ENTPD1: variants seen among roughly 807,000 people sequenced by gnomAD.
The protein encoded by ENTPD1 is ectonucleoside triphosphate diphosphohydrolase 1.
Under a neutral mutation model 57.0 loss-of-function variants are expected in ENTPD1, and 33 were observed. The observed-to-expected ratio is 0.58, with a 90% CI of 0.44 to 0.77. ENTPD1 has a LOEUF of 0.77. ENTPD1 is among the 30% of genes least tolerant of loss of function. The pLI, the probability that ENTPD1 is intolerant of heterozygous loss-of-function variation, is 0.00. For missense variants in ENTPD1, 501 were observed against 603.4 expected (o/e 0.83, Z 1.78); for synonymous variants, 202 against 218.8 (o/e 0.92, Z 0.68).
chr10:95,805,795 C>A (rs1011626552), intron 1 of ENTPD1, among the ~76,000 whole-genome samples: 2 of 152,178 alleles, frequency 1.3e-5, no homozygotes, highest in African/African-American at 4.8e-5. Context: ...AAATTCTTTT[C>A]TTTAAGAATG....
At chr10:95,784,278 T>G (rs2098169625) in intron 1 of ENTPD1, among the ~76,000 whole-genome samples, 1 of 152,158 alleles carries the variant, frequency 6.6e-6, no homozygotes, top group Admixed American at 6.5e-5. Context: ...TCTAATGATG[T>G]AGCACCAGCT....
chr10:95,867,877 G>T lies in ENTPD1; in HGVS notation c.*1494G>T, dbSNP rs2098476133. On this transcript the variant is annotated 3_prime_UTR_variant, in exon 10 of 10. Coordinates refer to ENST00000371205, the MANE Select transcript of ENTPD1 (RefSeq NM_001776.6). Reference sequence around the variant, plus strand: ...TCAAGTCACTTTTGACAACATCCAGGTGAATATAAAAACTTAATAAAGCTG... The same window carrying T: ...TCAAGTCACTTTTGACAACATCCAGTTGAATATAAAAACTTAATAAAGCTG... 1 of 985,416 alleles carries T rather than the reference G, an allele frequency of 1.0e-6. No homozygotes were observed. The highest frequency in any genetic ancestry group is 1.2e-6 in the Non-Finnish European group (1 of 829,922). 61.0% of individuals were successfully genotyped at this position (985,416 alleles called of 1,614,324 possible).
intron 4 of ENTPD1, 100 bp from the exon 5 acceptor site, chr10:95,844,376 T>C: frequency 6.6e-7 from 1 of 1,525,932 alleles, no homozygotes; most frequent in African/African-American, 1.4e-5. Flanking sequence ...GGCATTATGG[T>C]TCACTTCTTA....
chr10:95,833,637 T>C (rs566029680), intron 2 of ENTPD1: 1 of 152,358 alleles, frequency 6.6e-6, no homozygotes, highest in Admixed American at 6.5e-5. Flanking sequence ...CTTAGTCTGT[T>C]TTGTGTGGCT....
intron 1 of ENTPD1, among the ~76,000 whole-genome samples, chr10:95,811,870 G>T (rs1036407671): frequency 2.6e-5 from 4 of 152,162 alleles, no homozygotes; most frequent in Non-Finnish European, 5.9e-5. Context: ...AAACAATGCT[G>T]CACTGAATGT....
chr10:95,839,981 T>A (rs1013032840), intron 3 of ENTPD1, among the ~76,000 whole-genome samples, 173 bp downstream of exon 3: 1 of 152,158 alleles, frequency 6.6e-6, no homozygotes, highest in Non-Finnish European at 1.5e-5. Context: ...TTGAAATCAG[T>A]CGTTAATGAT....
intron 1 of ENTPD1, among the ~76,000 whole-genome samples, chr10:95,731,387 T>TGAAGATG (rs2097988844): frequency 6.6e-6 from 1 of 152,172 alleles, no homozygotes; most frequent in Non-Finnish European, 1.5e-5. Flanking sequence ...ACTCTTTAAC[T>TGAAGATG]GAAGATGTAG....
At chr10:95,806,158 AG>A (rs1349926406) in intron 1 of ENTPD1, among the ~76,000 whole-genome samples, 1 of 152,212 alleles carries the variant, frequency 6.6e-6, no homozygotes, top group Non-Finnish European at 1.5e-5. Flanking sequence ...CTTTTCACAT[AG>A]TCCCACATTT....
intron 1 of ENTPD1, among the ~76,000 whole-genome samples, chr10:95,720,843 G>A (rs187177612): frequency 6.2e-4 from 95 of 152,256 alleles, no homozygotes; most frequent in African/African-American, 2.1e-3. Context: ...TTAGGCATTC[G>A]ATTTGCTCAG....
Position 95,870,263 on chromosome 10 carries a change from A to G in ENTPD1, c.*3880A>G, listed in dbSNP as rs2098478973. ...CTTGATGCTTACATTCCATACTCAA[A>G]ATGTAAATTTGAATATTAAAATAAA... On this transcript the variant is annotated 3_prime_UTR_variant, in exon 10 of 10. Coordinates refer to ENST00000371205, the MANE Select transcript of ENTPD1 (RefSeq NM_001776.6). 1.0e-6 allele frequency: 1 copy of G among 985,238 alleles called. No homozygotes were observed. Among genetic ancestry groups the G allele is most frequent in the African/African-American group, 1.7e-5 (1 of 57,338 alleles). 61.0% of individuals were successfully genotyped at this position (985,238 alleles called of 1,614,324 possible). A position where few individuals can be genotyped will look rare whatever the true frequency, so the allele number is the denominator to read the frequency against.
In ENTPD1 at chr10:95,735,025, A is replaced by ATT. The variant is rs376795429; in HGVS notation, c.37+23054_37+23055dup. On this transcript the variant is annotated intron_variant, in intron 1 of 9. Coordinates refer to the ENTPD1 transcript ENST00000453258. ...ATTCCAAAGCACTTGATGAAAATAG[A>ATT]TTTTTTTTTTTTTTTTTTTTTTTAG... Among the ~76,000 whole-genome samples the ATT allele has an allele frequency of 3.5e-3, 440 of 126,758 alleles. 1 individual carries two copies. The highest frequency in any genetic ancestry group is 7.3e-3 in the African/African-American group (248 of 34,160). 83.2% of individuals were successfully genotyped at this position (126,758 alleles called of 152,430 possible). A position where few individuals can be genotyped will look rare whatever the true frequency, so the allele number is the denominator to read the frequency against.
Position 95,874,640 on chromosome 10 carries a change from G to T in ENTPD1, c.*8257G>T, listed in dbSNP as rs534921496. Among the ~76,000 whole-genome samples, 22 of 152,204 alleles carry T rather than the reference G, an allele frequency of 1.4e-4. No homozygotes were observed. The highest frequency in any genetic ancestry group is 3.1e-4 in the Non-Finnish European group (21 of 68,036). On this transcript the variant is annotated 3_prime_UTR_variant, in exon 10 of 10. Transcript: ENST00000371205. The stretch of plus-strand genomic sequence containing the variant: ...GCTCCACTAGGCAGTGCCCCAACAG[G>T]GACTCTGTGTGGGGGCTCTGCCCCA...
At chr10:95,814,646 G>C (rs2098323609) in intron 1 of ENTPD1, among the ~76,000 whole-genome samples, 1 of 152,076 alleles carries the variant, frequency 6.6e-6, no homozygotes, top group Non-Finnish European at 1.5e-5. Flanking sequence ...GTATCAGCCA[G>C]GCTACGTTGT....
intron 9 of ENTPD1, 82 bp downstream of exon 9, chr10:95,864,943 G>C: frequency 6.6e-7 from 1 of 1,509,954 alleles, no homozygotes; most frequent in Non-Finnish European, 9.0e-7. Flanking sequence ...GAAAAAGGGG[G>C]GAGTCAGCAT....
At chr10:95,822,821 A>G (rs2098358428) in intron 1 of ENTPD1, among the ~76,000 whole-genome samples, 2 of 152,210 alleles carry the variant, frequency 1.3e-5, no homozygotes, top group African/African-American at 2.4e-5. Context: ...TTGTTGTTTG[A>G]TGATACATTC....
chr10:95,813,921 T>A (rs1419314190), intron 1 of ENTPD1, among the ~76,000 whole-genome samples: 1 of 152,198 alleles, frequency 6.6e-6, no homozygotes, highest in Non-Finnish European at 1.5e-5. Context: ...TAGAGATGCA[T>A]GGCCAATACA....
At chr10:95,820,347 CTTA>C (rs988779254) in intron 1 of ENTPD1, among the ~76,000 whole-genome samples, 3 of 152,094 alleles carry the variant, frequency 2.0e-5, no homozygotes, top group Admixed American at 1.3e-4. Flanking sequence ...AAATCTTTTT[CTTA>C]TTATATCTTT....
intron 1 of ENTPD1, among the ~76,000 whole-genome samples, chr10:95,737,154 C>T (rs972907235): frequency 1.3e-5 from 2 of 152,170 alleles, no homozygotes; most frequent in African/African-American, 4.8e-5. Flanking sequence ...TATGTGCAGG[C>T]TCTGTGTACA....
chr10:95,755,513 T>G, upstream of ENTPD1: 1 of 605,764 alleles, frequency 1.7e-6, no homozygotes, highest in South Asian at 2.1e-5. Flanking sequence ...AGGTAGGAAG[T>G]CAAAGTTGGG....
Sources: allele counts gnomAD v4.1 joint callset (sites outside exome capture counted in the v4.1 genomes callset), GRCh38; gene constraint gnomAD v4.1.1; transcripts MANE v1.5; gene names NCBI Gene and HGNC (gene_info 2026-07-23, HGNC 2026-07-21).